JPH1: variants seen among roughly 807,000 people sequenced by gnomAD.
The protein encoded by JPH1 is junctophilin 1.
Under a neutral mutation model 53.6 loss-of-function variants are expected in JPH1, and 12 were observed. The observed-to-expected ratio is 0.22, with a 90% CI of 0.14 to 0.36. JPH1 has a LOEUF of 0.36. JPH1 is among the 10% of genes least tolerant of loss of function. The pLI is 1.00. For missense variants in JPH1, 808 were observed against 905.5 expected (o/e 0.89, Z 1.38); for synonymous variants, 375 against 363.8 (o/e 1.03, Z -0.35).
chr8:74,297,543 T>C (rs1807556051), intron 2 of JPH1, among the ~76,000 whole-genome samples: 1 of 152,026 alleles, frequency 6.6e-6, no homozygotes, highest in Non-Finnish European at 1.5e-5. Flanking sequence ...TCCATGCAGT[T>C]AAAATGCCTA....
chr8:74,267,881 T>A (rs1215431354), intron 2 of JPH1, among the ~76,000 whole-genome samples: 2 of 152,062 alleles, frequency 1.3e-5, no homozygotes, highest in Non-Finnish European at 2.9e-5. Context: ...AAGTGCTGGA[T>A]GAGCGAAAGA....
Position 74,244,789 on chromosome 8 carries a change from G to A in JPH1, c.1645C>T (p.Gln549Ter). 1 of 1,614,196 alleles carries A rather than the reference G, an allele frequency of 6.2e-7. No individual in the cohort carries two copies. Among genetic ancestry groups the A allele is most frequent in the Non-Finnish European group, 8.5e-7 (1 of 1,180,046 alleles). ...PNPSNGELHS[Q>*]YHGYYVKLNA... Reference sequence around the variant, plus strand: ...AGCTTCACGTAGTAGCCGTGATACTGAGAATGCAGCTCCCCGTTACTGGGG... The same window carrying A: ...AGCTTCACGTAGTAGCCGTGATACTAAGAATGCAGCTCCCCGTTACTGGGG... Residue 549 changes from glutamine to a stop codon, truncating the protein, a stop_gained, in exon 4 of 6, where the codon CAG becomes TAG. Transcript: ENST00000342232. LOFTEE classifies it high-confidence loss of function.
intron 2 of JPH1, among the ~76,000 whole-genome samples, chr8:74,290,988 GA>G (rs1807308773): frequency 6.6e-6 from 1 of 152,132 alleles, no homozygotes; most frequent in Non-Finnish European, 1.5e-5. Context: ...ATTCAAGATG[GA>G]TTAAAGACTT....
chr8:74,255,921 G>C (rs977520381), intron 3 of JPH1, among the ~76,000 whole-genome samples: 1 of 152,194 alleles, frequency 6.6e-6, no homozygotes, highest in Non-Finnish European at 1.5e-5. Context: ...TGGAGAAATA[G>C]GAATACTTTT....
At chr8:74,299,341 A>G (rs550219755) in intron 2 of JPH1, among the ~76,000 whole-genome samples, 1 of 152,112 alleles carries the variant, frequency 6.6e-6, no homozygotes, top group South Asian at 2.1e-4. Flanking sequence ...GCCTCCTTAC[A>G]TATTTTACAT....
intron 2 of JPH1, among the ~76,000 whole-genome samples, chr8:74,284,906 C>A (rs1410683234): frequency 6.6e-6 from 1 of 151,444 alleles, no homozygotes; most frequent in East Asian, 1.9e-4. Flanking sequence ...CTCACTGCAA[C>A]CTCTGCCTCA....
rs112727683 is a variant in JPH1, at chr8:74,245,915, G to GAA, written c.1259-742_1259-741dup. ...TTCTTCTGACAGAGGAGGAAAAAAT[G>GAA]AAAAAAAAAAAAAAAAAGTGGCCCT... On this transcript the variant is annotated intron_variant, in intron 3 of 5. Transcript: ENST00000342232. Among the ~76,000 whole-genome samples, 46 of 86,268 alleles carry GAA rather than the reference G, an allele frequency of 5.3e-4. 1 individual carries two copies. Among genetic ancestry groups the GAA allele is most frequent in the East Asian group, 1.1e-3 (3 of 2,622 alleles). 56.6% of individuals were successfully genotyped at this position (86,268 alleles called of 152,430 possible).
intron 3 of JPH1, 100 bp from the exon 4 acceptor site, chr8:74,245,275 T>G (rs1018215404): frequency 1.4e-5 from 14 of 1,036,714 alleles, no homozygotes; most frequent in Non-Finnish European, 1.9e-5. Context: ...AATAATATAT[T>G]CATAAGGCTT....
rs749023547 is a variant in JPH1, at chr8:74,244,736, G to A, written c.1698C>T (p.Asp566=). ...KLNAPQHPPV[D]VEDGDGSSQS... ...GGCTGGATCCATCGCCGTCCTCCAC[G>A]TCTACTGGAGGGTGCTGGGGGGCGT... is the stretch of plus-strand genomic sequence containing the variant. Residue 566 remains aspartate, a synonymous_variant, in exon 4 of 6, where the codon GAC becomes GAT. Transcript: ENST00000342232. The A allele has an allele frequency of 4.3e-6, 7 of 1,614,152 alleles. No individual in the cohort carries two copies. In the East Asian group the frequency reaches 6.7e-5, roughly 15 times the overall value.
chr8:74,303,844 G>A (rs1807753759), intron 2 of JPH1, among the ~76,000 whole-genome samples: 1 of 152,146 alleles, frequency 6.6e-6, no homozygotes, highest in African/African-American at 2.4e-5. Context: ...AGATGATGAT[G>A]TAATTCTGCC....
In JPH1 at chr8:74,321,355, G is replaced by T; in HGVS notation, c.-68C>A. On this transcript the variant is annotated 5_prime_UTR_variant, in exon 1 of 6. Transcript: ENST00000342232. This position sits in a 1 kb window ranked among gnomAD's most constrained non-coding sequence, Gnocchi z 4.3. ...CGGGCAGTGCTGGGCACGGCAGGGT[G>T]TAGCTCGGGGGTGGGGGCCCGGCGG... is the stretch of plus-strand genomic sequence containing the variant. 2.1e-6 allele frequency: 3 copies of T among 1,398,546 alleles called. No homozygotes were observed. In the East Asian group the frequency reaches 8.6e-5, roughly 40 times the overall value. The allele number at this position is 1,398,546 out of a possible 1,614,324, so 86.6% of individuals were successfully genotyped here.
Position 74,236,657 on chromosome 8 carries a change from C to CAAAAAAAAA in JPH1, c.*385_*393dup, listed in dbSNP as rs528814320. 1 of 139,414 alleles carries CAAAAAAAAA rather than the reference C, an allele frequency of 7.2e-6. No individual in the cohort carries two copies. The allele number at this position is 139,414 out of a possible 1,614,324, so 8.6% of individuals were successfully genotyped here. A position where few individuals can be genotyped will look rare whatever the true frequency, so the allele number is the denominator to read the frequency against. ...TAGTAAGGCAGCTGTTGACTTCCAT[C>CAAAAAAAAA]AAAAAAAAAAAAAAAATGCAGCTCC... On this transcript the variant is annotated 3_prime_UTR_variant, in exon 6 of 6. Coordinates refer to ENST00000342232, the MANE Select transcript of JPH1 (RefSeq NM_020647.4).
chr8:74,262,480 C>A (rs1402282522), intron 2 of JPH1, among the ~76,000 whole-genome samples: 1 of 152,084 alleles, frequency 6.6e-6, no homozygotes, highest in African/African-American at 2.4e-5. Context: ...TATTGCTGGT[C>A]ACAGGCAAAA....
chr8:74,299,361 A>C (rs1807609914), intron 2 of JPH1, among the ~76,000 whole-genome samples: 1 of 152,138 alleles, frequency 6.6e-6, no homozygotes. Flanking sequence ...TTCAGCCTAA[A>C]GGTTTCTCTG....
intron 2 of JPH1, among the ~76,000 whole-genome samples, chr8:74,284,080 G>A (rs1204741821): frequency 6.6e-6 from 1 of 152,134 alleles, no homozygotes; most frequent in African/African-American, 2.4e-5. Context: ...GGCCAGCTGG[G>A]GAGGGCTGTG....
At chr8:74,239,524 C>A (rs1805634084) in intron 4 of JPH1, among the ~76,000 whole-genome samples, 1 of 152,134 alleles carries the variant, frequency 6.6e-6, no homozygotes, top group Non-Finnish European at 1.5e-5. Flanking sequence ...GAGTCCTAAC[C>A]TGTGCAACTC....
chr8:74,280,493 C>G (rs1169204287), intron 2 of JPH1, among the ~76,000 whole-genome samples: 3 of 152,036 alleles, frequency 2.0e-5, no homozygotes, highest in Non-Finnish European at 4.4e-5. Flanking sequence ...TTTGATTATT[C>G]TACTGACACA....
intron 2 of JPH1, among the ~76,000 whole-genome samples, chr8:74,260,295 T>C (rs901605799): frequency 1.3e-5 from 2 of 152,146 alleles, no homozygotes; most frequent in African/African-American, 4.8e-5. Context: ...AAACCTCTCA[T>C]CTTTCTGGAG....
intron 2 of JPH1, among the ~76,000 whole-genome samples, chr8:74,296,510 A>G (rs1348816373): frequency 6.6e-6 from 1 of 152,208 alleles, no homozygotes; most frequent in East Asian, 1.9e-4. Context: ...AATTTAAGTG[A>G]GCAGAATATC....
Sources: gnomAD v4.1 joint callset for allele counts (sites outside exome capture counted in the v4.1 genomes callset) on GRCh38, gnomAD v4.1.1 for gene constraint, Gnocchi (gnomAD v3.1) non-coding constraint, MANE v1.5 for transcripts, NCBI Gene and HGNC (gene_info 2026-07-23, HGNC 2026-07-21) for gene names.